Variants in AKAP7 observed in about 807,000 individuals in gnomAD.
AKAP7 encodes A-kinase anchoring protein 7, also known as A kinase (PRKA) anchor protein 7.
In AKAP7, 39 loss-of-function variants were observed where a neutral mutation model predicts 39.5. The observed-to-expected ratio is 0.99, with a 90% CI of 0.76 to 1.29. AKAP7 has a LOEUF of 1.29. Among genes scored for constraint, AKAP7 ranks in the 50% most tolerant of loss-of-function variants. The pLI is 0.00. For missense variants in AKAP7, 414 were observed against 407.7 expected (o/e 1.02, Z -0.13); for synonymous variants, 140 against 139.1 (o/e 1.01, Z -0.05).
intron 7 of AKAP7, among the ~76,000 whole-genome samples, chr6:131,228,177 G>A (rs1810339159): frequency 6.6e-6 from 1 of 152,206 alleles, no homozygotes; most frequent in Non-Finnish European, 1.5e-5. Flanking sequence ...ACCATTGTTT[G>A]ATGCTGCAGG....
intron 1 of AKAP7, among the ~76,000 whole-genome samples, chr6:131,142,285 G>A (rs1238438609): frequency 3.9e-5 from 6 of 152,222 alleles, no homozygotes; most frequent in African/African-American, 1.4e-4. Flanking sequence ...CAGCTTCTCC[G>A]ATCACAGACC....
At chr6:131,263,856 C>G (rs573804704) in intron 7 of AKAP7, among the ~76,000 whole-genome samples, 1 of 152,238 alleles carries the variant, frequency 6.6e-6, no homozygotes, top group East Asian at 1.9e-4. Context: ...CCACTCTGAT[C>G]CTAAGCTACT....
intron 2 of AKAP7, among the ~76,000 whole-genome samples, chr6:131,148,775 G>A (rs1801678010): frequency 6.6e-6 from 1 of 152,250 alleles, no homozygotes; most frequent in African/African-American, 2.4e-5. Context: ...CGTAAGAAAG[G>A]TATAATAATA....
chr6:131,194,564 T>G (rs1218887372), intron 5 of AKAP7, among the ~76,000 whole-genome samples: 3 of 152,086 alleles, frequency 2.0e-5, no homozygotes, highest in Non-Finnish European at 4.4e-5. Context: ...TAGTGCAGAT[T>G]AAGTCTGAGG....
chr6:131,199,685 GT>G, intron 6 of AKAP7, 112 bp downstream of exon 6: 1 of 901,736 alleles, frequency 1.1e-6, no homozygotes, highest in Non-Finnish European at 1.8e-6. Flanking sequence ...TTGCTTCTGG[GT>G]TTCCAAGTCA....
At chr6:131,131,600 T>C (rs1800331003), upstream of AKAP7, among the ~76,000 whole-genome samples, 1 of 152,128 alleles carries the variant, frequency 6.6e-6, no homozygotes, top group South Asian at 2.1e-4. Flanking sequence ...GAAATCTCTA[T>C]GCATTTGGGA....
chr6:131,241,205 G>T (rs1811527445), intron 7 of AKAP7, among the ~76,000 whole-genome samples: 1 of 152,178 alleles, frequency 6.6e-6, no homozygotes, highest in Non-Finnish European at 1.5e-5. Context: ...AAACTGATCA[G>T]CAAGACCAAT....
chr6:131,248,053 T>C (rs1812174130), intron 7 of AKAP7, among the ~76,000 whole-genome samples: 1 of 152,176 alleles, frequency 6.6e-6, no homozygotes, highest in Admixed American at 6.5e-5. Flanking sequence ...TAGAGGGCCT[T>C]TTTGTTTGGA....
rs1803209925 is a variant in AKAP7, at chr6:131,163,731, GTTTC to G, written c.292-1349_292-1346del. Among the ~76,000 whole-genome samples the G allele has an allele frequency of 7.9e-5, 12 of 152,264 alleles. No individual in the cohort carries two copies. In the South Asian group the frequency reaches 2.5e-3, roughly 32 times the overall value. The stretch of plus-strand genomic sequence containing the variant: ...TAATTGGAAGTATATGAAAATATGT[GTTTC>G]CATTAACTTTCAATTGCATGTTAGT... On this transcript the variant is annotated intron_variant, in intron 3 of 7. Transcript: ENST00000431975.
intron 7 of AKAP7, among the ~76,000 whole-genome samples, chr6:131,270,245 A>G (rs1814159717): frequency 6.6e-6 from 1 of 152,208 alleles, no homozygotes; most frequent in Admixed American, 6.5e-5. Flanking sequence ...TTCCTGTTAC[A>G]GCTACACCTG....
At chr6:131,237,169 G>A (rs1811142524) in intron 7 of AKAP7, among the ~76,000 whole-genome samples, 1 of 152,100 alleles carries the variant, frequency 6.6e-6, no homozygotes, top group African/African-American at 2.4e-5. Flanking sequence ...ATAATCATGT[G>A]GTTTTTGTCG....
chr6:131,154,169 T>C (rs1039554962), intron 2 of AKAP7, among the ~76,000 whole-genome samples: 34 of 151,978 alleles, frequency 2.2e-4, no homozygotes, highest in Non-Finnish European at 4.7e-4. Flanking sequence ...GATCGCTCCA[T>C]TGCACTCCAG....
At chr6:131,169,324 T>G (rs878940866) in intron 5 of AKAP7, 51 bp downstream of exon 5, 8 of 1,587,608 alleles carry the variant, frequency 5.0e-6, no homozygotes, top group Non-Finnish European at 6.0e-6. Flanking sequence ...AGAAGCAATT[T>G]TTTTCAATTT....
Position 131,178,566 on chromosome 6 carries a change from C to T in AKAP7, c.589+9293C>T, listed in dbSNP as rs561271263. Reference sequence around the variant, plus strand: ...ACCTTAAACTTAGTTATAGCTATCACGACAACTTCCCATTCTAGTTGCCAT... The same window carrying T: ...ACCTTAAACTTAGTTATAGCTATCATGACAACTTCCCATTCTAGTTGCCAT... On this transcript the variant is annotated intron_variant, in intron 5 of 7. Coordinates refer to ENST00000431975, the MANE Select transcript of AKAP7 (RefSeq NM_016377.4). 1.4e-4 allele frequency among the ~76,000 whole-genome samples: 21 copies of T among 152,312 alleles called. 1 individual carries two copies. In the South Asian group the frequency reaches 2.7e-3, roughly 20 times the overall value.
chr6:131,188,444 T>C (rs568395933), intron 5 of AKAP7, among the ~76,000 whole-genome samples: 1 of 152,374 alleles, frequency 6.6e-6, no homozygotes, highest in Admixed American at 6.5e-5. Context: ...AATTTTAGCA[T>C]AACTTACAAT....
chr6:131,241,715 G>A (rs907294010), intron 7 of AKAP7, among the ~76,000 whole-genome samples: 1 of 151,300 alleles, frequency 6.6e-6, no homozygotes, highest in Admixed American at 6.6e-5. Context: ...AGGTTACCTG[G>A]GAAACCTAGA....
chr6:131,165,724 C>T (rs1291392757), intron 4 of AKAP7, among the ~76,000 whole-genome samples: 1 of 152,134 alleles, frequency 6.6e-6, no homozygotes, highest in African/African-American at 2.4e-5. Flanking sequence ...TTTTTAGAGT[C>T]ACTGTACTCT....
chr6:131,206,817 A>AT (rs921706539), intron 6 of AKAP7, among the ~76,000 whole-genome samples: 3 of 150,570 alleles, frequency 2.0e-5, no homozygotes, highest in African/African-American at 4.9e-5. Flanking sequence ...ATCTCTGCAT[A>AT]TTTTTTCAGG....
chr6:131,137,326 G>A (rs188304523), intron 1 of AKAP7: 53 of 151,890 alleles, frequency 3.5e-4, no homozygotes, highest in African/African-American at 1.3e-3. Flanking sequence ...TTATTATCCA[G>A]TTAGGAAACC....
Sources: gnomAD v4.1 joint callset for allele counts (sites outside exome capture counted in the v4.1 genomes callset) on GRCh38, gnomAD v4.1.1 for gene constraint, MANE v1.5 for transcripts, NCBI Gene and HGNC (gene_info 2026-07-23, HGNC 2026-07-21) for gene names.